Variants in RYR3 observed in about 807,000 individuals in gnomAD.
RYR3 encodes brain ryanodine receptor-calcium release channel.
Under a neutral mutation model 584.3 loss-of-function variants are expected in RYR3, and 207 were observed. The observed-to-expected ratio is 0.35, with a 90% confidence interval of 0.32 to 0.40. The LOEUF (loss-of-function observed/expected upper bound fraction) is 0.40. RYR3 is among the 10% of genes least tolerant of loss of function. The pLI is 1.00. For missense variants in RYR3, 5,616 were observed against 6,089.2 expected (o/e 0.92, Z 2.59); for synonymous variants, 2,416 against 2,248.5 (o/e 1.07, Z -2.11).
intron 1 of RYR3, among the ~76,000 whole-genome samples, chr15:33,376,373 T>C (rs537891177): frequency 1.3e-5 from 2 of 152,368 alleles, no homozygotes; most frequent in East Asian, 1.9e-4. Flanking sequence ...TCCCCTCTGA[T>C]GGACATTTGG....
In RYR3 at chr15:33,537,255, C is replaced by T. The variant is rs111689244; in HGVS notation, c.434-2095C>T. On this transcript the variant is annotated intron_variant, in intron 5 of 103. Coordinates refer to ENST00000634891, the MANE Select transcript of RYR3 (RefSeq NM_001036.6). ...TAGATTCGCTTGCATGATCTGTTCT[C>T]TCAGTTTCATCTTCTTAGAAACATC... Among the ~76,000 whole-genome samples, 1,025 of 142,652 alleles carry T rather than the reference C, an allele frequency of 7.2e-3. 12 individuals are homozygous for T. Among genetic ancestry groups the T allele is most frequent in the African/African-American group, 0.028 (932 of 33,448 alleles). The allele number at this position is 142,652 out of a possible 152,430, so 93.6% of individuals were successfully genotyped here.
chr15:33,773,488 G>A, intron 63 of RYR3, 46 bp from the exon 64 acceptor site: 1 of 1,339,714 alleles, frequency 7.5e-7, no homozygotes, highest in South Asian at 1.2e-5. Context: ...GATCCTTTCT[G>A]TATTCAGGAT....
chr15:33,753,785 C>G (rs745928289), intron 57 of RYR3, among the ~76,000 whole-genome samples: 1 of 152,102 alleles, frequency 6.6e-6, no homozygotes, highest in African/African-American at 2.4e-5. Context: ...AGAAAGACTC[C>G]CGTCGTCATT....
At chr15:33,439,452 G>A (rs1049320095) in intron 1 of RYR3, among the ~76,000 whole-genome samples, 9 of 152,052 alleles carry the variant, frequency 5.9e-5, no homozygotes, top group African/African-American at 2.2e-4. Context: ...TAAAAGTACT[G>A]TATATCTTCT....
rs568346636 is a variant in RYR3 at position 33,316,095 on chromosome 15, G to T, written c.51+4999G>T. Among the ~76,000 whole-genome samples, 3 of 152,168 alleles carry T rather than the reference G, an allele frequency of 2.0e-5. No individual in the cohort carries two copies. In the East Asian group the frequency reaches 5.8e-4, roughly 29 times the overall value. ...AATATTGGTTTCTCCAGCTCCTTAG[G>T]GTTGATCTGAGGGCAAAAAAAATGG... is the stretch of plus-strand genomic sequence containing the variant. On this transcript the variant is annotated intron_variant, in intron 1 of 103. Coordinates refer to ENST00000634891, the MANE Select transcript of RYR3 (RefSeq NM_001036.6).
At chr15:33,478,340 C>G (rs1253220352) in intron 2 of RYR3, among the ~76,000 whole-genome samples, 1 of 152,168 alleles carries the variant, frequency 6.6e-6, no homozygotes, top group Non-Finnish European at 1.5e-5. Context: ...CCACGTCAGG[C>G]AGGTGTGAGA....
In RYR3 at chr15:33,836,902, C is replaced by G; in HGVS notation, c.11569-4C>G. 1 of 1,612,212 alleles carries G rather than the reference C, an allele frequency of 6.2e-7. No homozygotes were observed. The highest frequency in any genetic ancestry group is 8.5e-7 in the Non-Finnish European group (1 of 1,179,006). On this transcript the variant is annotated splice_polypyrimidine_tract_variant and splice_region_variant and intron_variant, in intron 87 of 103. Transcript: ENST00000634891. Reference sequence around the variant, plus strand: ...CTCAGGGGTATCTCCTGTTTCTGTTCTAGGATTCCAGTCAGATCGAGCTGC... The same window carrying G: ...CTCAGGGGTATCTCCTGTTTCTGTTGTAGGATTCCAGTCAGATCGAGCTGC...
In RYR3 at chr15:33,755,134, G is replaced by C. The variant is rs760431116; in HGVS notation, c.8469G>C (p.Lys2823Asn). 6.2e-7 allele frequency: 1 copy of C among 1,613,170 alleles called. No individual in the cohort carries two copies. Among genetic ancestry groups the C allele is most frequent in the East Asian group, 2.2e-5 (1 of 44,862 alleles). The change falls in exon 58 of 104, where the codon AAG (lysine) becomes AAC (asparagine). Residue 2823 changes from lysine (K) to asparagine (N), a missense_variant. By Grantham distance (94) the Lys-to-Asn change is moderately conservative (BLOSUM62 0). Coordinates refer to ENST00000634891, the MANE Select transcript of RYR3 (RefSeq NM_001036.6). ...GGTTTGCCTATAAGTTCTTGAAGAA[G>C]ATCCTGAAATACGTTGATTCTGCTC... is the stretch of plus-strand genomic sequence containing the variant. ...EKRFAYKFLK[K>N]ILKYVDSAQE... is the part of the protein sequence containing the mutation.
At chr15:33,697,380 T>G (rs2065924744) in intron 39 of RYR3, among the ~76,000 whole-genome samples, 1 of 152,218 alleles carries the variant, frequency 6.6e-6, no homozygotes, top group Non-Finnish European at 1.5e-5. Flanking sequence ...GGAGGTGGTG[T>G]TTCCTGCAAC....
intron 1 of RYR3, among the ~76,000 whole-genome samples, chr15:33,456,308 A>G (rs1312247442): frequency 6.6e-6 from 1 of 152,228 alleles, no homozygotes; most frequent in African/African-American, 2.4e-5. Flanking sequence ...GATCGCGCAG[A>G]ATGCCAAGAG....
At chr15:33,495,475 C>T (rs1302140492) in intron 2 of RYR3, among the ~76,000 whole-genome samples, 3 of 152,282 alleles carry the variant, frequency 2.0e-5, no homozygotes, top group Non-Finnish European at 4.4e-5. Flanking sequence ...TCTAAAAGCA[C>T]TGGTGTAAGG....
At chr15:33,640,698 T>C (rs1313599323) in intron 27 of RYR3, among the ~76,000 whole-genome samples, 4 of 152,202 alleles carry the variant, frequency 2.6e-5, no homozygotes, top group Non-Finnish European at 5.9e-5. Context: ...CTGGGGGTCC[T>C]GTACAAAATG....
At position 33,550,143 on chromosome 15, in the gene RYR3, C is replaced by G; in HGVS notation, c.816-17C>G. 6.2e-7 allele frequency: 1 copy of G among 1,605,508 alleles called. No individual in the cohort carries two copies. On this transcript the variant is annotated splice_polypyrimidine_tract_variant and intron_variant, in intron 9 of 103. Coordinates refer to ENST00000634891, the MANE Select transcript of RYR3 (RefSeq NM_001036.6). ...TTTTTGTATAAATGCAATTTCTTGT[C>G]TGTTTCATCTGCCCAGCTGGAGTGG...
rs1428465175 is a variant in RYR3, at chr15:33,379,681, C to A, written c.51+68585C>A. Among the ~76,000 whole-genome samples, 5 of 118,638 alleles carry A rather than the reference C, an allele frequency of 4.2e-5. 1 individual carries two copies. The East Asian group carries it at 6.0e-4, about 14-fold the overall frequency. 77.8% of individuals were successfully genotyped at this position (118,638 alleles called of 152,430 possible). ...TGTGTGTGTCCCTCTCTCTCTCTCT[C>A]TCTCTCTATATATATATATATATAT... On this transcript the variant is annotated intron_variant, in intron 1 of 103. Coordinates refer to ENST00000634891, the MANE Select transcript of RYR3 (RefSeq NM_001036.6).
intron 49 of RYR3, among the ~76,000 whole-genome samples, chr15:33,737,373 C>A (rs2069587254): frequency 6.6e-6 from 1 of 152,186 alleles, no homozygotes; most frequent in Admixed American, 6.5e-5. Flanking sequence ...TCCACCCAAG[C>A]AGACAGTGTT....
intron 33 of RYR3, 94 bp from the exon 34 acceptor site, chr15:33,660,103 C>T (rs1430883480): frequency 3.6e-6 from 3 of 827,958 alleles, no homozygotes; most frequent in Non-Finnish European, 5.8e-6. Flanking sequence ...ATTTGTCCCT[C>T]TTTAATTTAT....
rs371354608 is a variant in RYR3, at chr15:33,795,685, C to T, written c.9831-5085C>T. On this transcript the variant is annotated intron_variant, in intron 67 of 103. Transcript: ENST00000634891. ...CTGAGATTACAGGTATGCACCACGA[C>T]GCCTGGCTAATTTTTTTGTATTTTT... Among the ~76,000 whole-genome samples the T allele has an allele frequency of 6.2e-4, 94 of 152,152 alleles. No individual in the cohort carries two copies. In the East Asian group the frequency reaches 0.012, roughly 20 times the overall value.
intron 1 of RYR3, among the ~76,000 whole-genome samples, chr15:33,457,439 G>A (rs1197589189): frequency 2.6e-5 from 4 of 152,198 alleles, no homozygotes; most frequent in Admixed American, 6.5e-5. Flanking sequence ...GTCATTTGCA[G>A]CAGGATAGAT....
intron 1 of RYR3, among the ~76,000 whole-genome samples, chr15:33,437,594 A>G (rs2045847746): frequency 6.6e-6 from 1 of 152,234 alleles, no homozygotes; most frequent in South Asian, 2.1e-4. Flanking sequence ...ACTGTGGAAG[A>G]AAACAAGGAA....
Sources: gnomAD v4.1 joint callset for allele counts (sites outside exome capture counted in the v4.1 genomes callset) on GRCh38, gnomAD v4.1.1 for gene constraint, MANE v1.5 for transcripts, NCBI Gene and HGNC (gene_info 2026-07-23, HGNC 2026-07-21) for gene names.